SCFD2: variants seen among roughly 807,000 people sequenced by gnomAD.
SCFD2 encodes sec1 family domain containing 2.
Under a neutral mutation model 58.9 loss-of-function variants are expected in SCFD2, and 54 were observed. That is an observed-to-expected ratio of 0.92 (90% CI 0.74 to 1.15). SCFD2 has a LOEUF of 1.15. Among genes scored for constraint, SCFD2 ranks in the 50% most tolerant of loss-of-function variants. The pLI is 0.00. For missense variants in SCFD2, 805 were observed against 836.6 expected (o/e 0.96, Z 0.47); for synonymous variants, 321 against 335.9 (o/e 0.96, Z 0.49).
chr4:52,965,722 A>C (rs936676062), intron 5 of SCFD2, among the ~76,000 whole-genome samples: 3 of 152,174 alleles, frequency 2.0e-5, no homozygotes, highest in Non-Finnish European at 4.4e-5. Context: ...AGTACCATAC[A>C]TGTGACCAAA....
At chr4:52,974,573 T>A (rs1721200916) in intron 5 of SCFD2, among the ~76,000 whole-genome samples, 1 of 152,062 alleles carries the variant, frequency 6.6e-6, no homozygotes, top group Non-Finnish European at 1.5e-5. Flanking sequence ...AGAATCAATA[T>A]CATGAAAATG....
At chr4:53,091,699 T>G (rs1163506524) in intron 5 of SCFD2, among the ~76,000 whole-genome samples, 1 of 152,082 alleles carries the variant, frequency 6.6e-6, no homozygotes, top group Non-Finnish European at 1.5e-5. Context: ...TAGAAACTGC[T>G]TAGGTGACCT....
intron 2 of SCFD2, among the ~76,000 whole-genome samples, chr4:53,321,131 C>G (rs1290671250): frequency 6.7e-6 from 1 of 148,190 alleles, no homozygotes. Context: ...CAATGACATA[C>G]ACATAATAAT....
At chr4:53,262,467 A>G (rs753371781) in intron 4 of SCFD2, among the ~76,000 whole-genome samples, 2 of 152,176 alleles carry the variant, frequency 1.3e-5, no homozygotes, top group Non-Finnish European at 2.9e-5. Flanking sequence ...TTCTCTCAGC[A>G]TTTGTTTGTC....
chr4:53,258,771 G>A (rs1730738640), intron 4 of SCFD2, among the ~76,000 whole-genome samples: 1 of 151,784 alleles, frequency 6.6e-6, no homozygotes, highest in Non-Finnish European at 1.5e-5. Context: ...TCAAATGGTA[G>A]ATCTACTTTT....
At chr4:53,226,550 C>A (rs1338320103) in intron 4 of SCFD2, among the ~76,000 whole-genome samples, 2 of 151,884 alleles carry the variant, frequency 1.3e-5, no homozygotes, top group Admixed American at 6.6e-5. Context: ...TTCTGATGAG[C>A]AATGAAGTTC....
intron 6 of SCFD2, among the ~76,000 whole-genome samples, chr4:52,918,743 G>A (rs1346212620): frequency 6.6e-6 from 1 of 151,918 alleles, no homozygotes; most frequent in Non-Finnish European, 1.5e-5. Flanking sequence ...TGACCTACAT[G>A]TCCCCTCACT....
At chr4:53,298,297 T>A (rs541733006) in intron 3 of SCFD2, among the ~76,000 whole-genome samples, 2 of 152,302 alleles carry the variant, frequency 1.3e-5, no homozygotes, top group South Asian at 4.1e-4. Flanking sequence ...CAGGAGATTA[T>A]ATCCGGCACC....
intron 5 of SCFD2, among the ~76,000 whole-genome samples, chr4:52,970,595 G>T (rs1046245516): frequency 1.7e-4 from 26 of 152,230 alleles, no homozygotes; most frequent in Non-Finnish European, 2.5e-4. Flanking sequence ...CTGGGGGCAG[G>T]GAGTAGCCAA....
chr4:53,159,696 C>A (rs188149442), intron 4 of SCFD2, among the ~76,000 whole-genome samples: 445 of 152,230 alleles, frequency 2.9e-3, no homozygotes, highest in Non-Finnish European at 5.3e-3. Flanking sequence ...CCCCCCACCC[C>A]CTTGGCACAT....
chr4:53,097,088 A>G (rs1015315574), intron 5 of SCFD2, among the ~76,000 whole-genome samples: 4 of 152,186 alleles, frequency 2.6e-5, no homozygotes, highest in Admixed American at 6.5e-5. Flanking sequence ...CTGTTTTGGT[A>G]TGAGTACCAT....
rs71197009 is a variant in SCFD2, at chr4:53,254,805, TTTTTATTTTATTTTATTTTA to T, written c.1311+19001_1311+19020del. Among the ~76,000 whole-genome samples, 1,002 of 138,986 alleles carry T rather than the reference TTTTTATTTTATTTTATTTTA, an allele frequency of 7.2e-3. 8 individuals are homozygous for T. The highest frequency in any genetic ancestry group is 0.02 in the African/African-American group (763 of 37,636). The allele number at this position is 138,986 out of a possible 152,430, so 91.2% of individuals were successfully genotyped here. ...GCAAACACTTCATGTTTATTTTATT[TTTTTATTTTATTTTATTTTA>T]TTTTATTTTATTTTATTTTATTTTA... On this transcript the variant is annotated intron_variant, in intron 4 of 8. Coordinates refer to ENST00000401642, the MANE Select transcript of SCFD2 (RefSeq NM_152540.4).
At chr4:53,205,030 T>C (rs1331421709) in intron 4 of SCFD2, among the ~76,000 whole-genome samples, 1 of 152,042 alleles carries the variant, frequency 6.6e-6, no homozygotes, top group Non-Finnish European at 1.5e-5. Context: ...CCCTTTGTCC[T>C]TTTTGTCTGG....
At chr4:53,109,183 CT>C (rs1725094926) in intron 5 of SCFD2, among the ~76,000 whole-genome samples, 1 of 152,162 alleles carries the variant, frequency 6.6e-6, no homozygotes. Flanking sequence ...ATGCTAAAAA[CT>C]CTCCATAAAC....
intron 5 of SCFD2, among the ~76,000 whole-genome samples, chr4:52,999,477 G>A (rs987762215): frequency 4.6e-5 from 7 of 152,180 alleles, no homozygotes; most frequent in African/African-American, 1.7e-4. Context: ...CAACATGAGA[G>A]GGGCATTTAT....
chr4:52,954,677 A>C (rs1720670669), intron 5 of SCFD2, among the ~76,000 whole-genome samples: 1 of 152,220 alleles, frequency 6.6e-6, no homozygotes, highest in East Asian at 1.9e-4. Flanking sequence ...AGAAAAGTAA[A>C]TAAAATAACC....
chr4:52,888,071 C>T (rs981717560), intron 7 of SCFD2, among the ~76,000 whole-genome samples: 13 of 151,532 alleles, frequency 8.6e-5, no homozygotes, highest in African/African-American at 1.2e-4. Context: ...CCACCGCGCC[C>T]GGCTAATTTT....
chr4:53,197,392 ACAT>A (rs1405539060), intron 4 of SCFD2, among the ~76,000 whole-genome samples: 2 of 152,044 alleles, frequency 1.3e-5, no homozygotes, highest in Non-Finnish European at 2.9e-5. Flanking sequence ...CAGTATTGTA[ACAT>A]CATGCTCACA....
chr4:53,307,316 T>C (rs1732546061), intron 3 of SCFD2, among the ~76,000 whole-genome samples: 1 of 152,232 alleles, frequency 6.6e-6, no homozygotes, highest in African/African-American at 2.4e-5. Flanking sequence ...CTTAGACATT[T>C]GGATACTATC....
Sources: allele counts gnomAD v4.1 joint callset (sites outside exome capture counted in the v4.1 genomes callset), GRCh38; gene constraint gnomAD v4.1.1; transcripts MANE v1.5; gene names NCBI Gene and HGNC (gene_info 2026-07-23, HGNC 2026-07-21).